The following SLAIN1 variants were observed in gnomAD, a reference collection of about 807,000 sequenced individuals.
SLAIN1 encodes SLAIN family member 1.
In SLAIN1, 17 loss-of-function variants were observed where a neutral mutation model predicts 55.4. The observed-to-expected ratio is 0.31, with a 90% CI of 0.21 to 0.46. SLAIN1 has a LOEUF of 0.46. Among genes scored for constraint, SLAIN1 ranks in the 20% least tolerant of loss-of-function variants. The pLI is 1.00. For synonymous variants in SLAIN1, 348 were observed against 337.4 expected (o/e 1.03, Z -0.35); for missense variants, 682 against 785.1 (o/e 0.87, Z 1.57).
chr13:77,759,884 GA>G (rs902076837), intron 5 of SLAIN1, among the ~76,000 whole-genome samples: 31 of 151,554 alleles, frequency 2.0e-4, no homozygotes, highest in African/African-American at 6.3e-4. Context: ...ATTTTTTAAG[GA>G]AAAAAAATTT....
intron 2 of SLAIN1, among the ~76,000 whole-genome samples, chr13:77,742,134 G>A: frequency 6.6e-6 from 1 of 151,834 alleles, no homozygotes; most frequent in Non-Finnish European, 1.5e-5. Flanking sequence ...GATACAAGGG[G>A]TGGTAATTTT....
intron 2 of SLAIN1, among the ~76,000 whole-genome samples, chr13:77,727,384 AT>A (rs373098490): frequency 2.7e-5 from 4 of 149,378 alleles, no homozygotes; most frequent in Non-Finnish European, 4.4e-5. Flanking sequence ...TAAGTACTGA[AT>A]TTTTTTTGTG....
intron 6 of SLAIN1, among the ~76,000 whole-genome samples, chr13:77,761,555 A>T (rs1177498108): frequency 6.6e-6 from 1 of 152,168 alleles, no homozygotes; most frequent in Non-Finnish European, 1.5e-5. Flanking sequence ...TACAGGTAGG[A>T]TCTCAAATAT....
intron 2 of SLAIN1, among the ~76,000 whole-genome samples, chr13:77,725,826 A>G (rs1394618793): frequency 1.3e-5 from 2 of 152,070 alleles, no homozygotes. Context: ...TTATGGAGTA[A>G]GCATCCCCAG....
intron 4 of SLAIN1, 118 bp downstream of exon 4, chr13:77,746,973 T>C (rs1042260983): frequency 4.4e-6 from 4 of 914,662 alleles, no homozygotes; most frequent in Non-Finnish European, 6.5e-6. Flanking sequence ...GTCTCCTAGG[T>C]TGGAGTGCAG....
chr13:77,716,271 T>G (rs531762835), intron 1 of SLAIN1, among the ~76,000 whole-genome samples: 21 of 152,140 alleles, frequency 1.4e-4, no homozygotes, highest in Admixed American at 4.6e-4. Flanking sequence ...CGTTTATTTT[T>G]ATGCTACACT....
intron 1 of SLAIN1, among the ~76,000 whole-genome samples, chr13:77,716,117 A>G (rs961277653): frequency 1.3e-5 from 2 of 151,254 alleles, no homozygotes; most frequent in Non-Finnish European, 3.0e-5. Flanking sequence ...TGTGGATCAA[A>G]GTTTTGTTTT....
chr13:77,729,788 A>T (rs1358176983), intron 2 of SLAIN1, among the ~76,000 whole-genome samples: 1 of 152,160 alleles, frequency 6.6e-6, no homozygotes, highest in Non-Finnish European at 1.5e-5. Context: ...CCATAAAAGA[A>T]GCATAATGAT....
chr13:77,744,310 G>A lies in SLAIN1; in HGVS notation c.794G>A (p.Ser265Asn). The A allele has an allele frequency of 2.5e-5, 41 of 1,612,818 alleles. No individual in the cohort carries two copies. Among genetic ancestry groups the A allele is most frequent in the Non-Finnish European group, 3.5e-5 (41 of 1,179,224 alleles). ...TACACTTCCAGGGGCTCCCCACTCA[G>A]TCCCCAGTCATCTATCGACAGTGAG... The part of the protein sequence containing the change: ...QGYTSRGSPL[S>N]PQSSIDSELS... Residue 265 changes from serine to asparagine, a missense_variant, in exon 3 of 7, where the codon AGT (serine) becomes AAT (asparagine). By Grantham distance (46) the Ser-to-Asn change is conservative. This residue lies in a region of SLAIN1 where 401 missense variants were observed against 417.3 expected (regional missense o/e 0.96). Coordinates refer to ENST00000418532, the MANE Select transcript of SLAIN1 (RefSeq NM_001242868.2).
chr13:77,728,354 A>AATGTT (rs2091327059), intron 2 of SLAIN1, among the ~76,000 whole-genome samples: 1 of 152,208 alleles, frequency 6.6e-6, no homozygotes, highest in South Asian at 2.1e-4. Context: ...GAAACGCCCA[A>AATGTT]AATGTGGCTC....
At position 77,697,877 on chromosome 13, in the gene SLAIN1, G is replaced by T; in HGVS notation, c.-37G>T. 2.3e-6 allele frequency: 3 copies of T among 1,299,234 alleles called. No individual in the cohort carries two copies. Among genetic ancestry groups the T allele is most frequent in the Non-Finnish European group, 2.9e-6 (3 of 1,022,940 alleles). The allele number at this position is 1,299,234 out of a possible 1,614,324, so 80.5% of individuals were successfully genotyped here. A position where few individuals can be genotyped will look rare whatever the true frequency, so the allele number is the denominator to read the frequency against. ...GCCCGAGGAGCCGGCGCGGCGGCGC[G>T]CACTCCCCGGCGGCCGCGGCGCCCT... On this transcript the variant is annotated 5_prime_UTR_variant, in exon 1 of 7. Transcript: ENST00000418532.
intron 6 of SLAIN1, among the ~76,000 whole-genome samples, chr13:77,762,402 T>A (rs1249130802): frequency 6.6e-6 from 1 of 152,218 alleles, no homozygotes; most frequent in Non-Finnish European, 1.5e-5. Flanking sequence ...GTTTTAAATT[T>A]AAATTTTTTA....
At position 77,698,274 on chromosome 13, in the gene SLAIN1, G is replaced by A. The variant is rs2154409038; in HGVS notation, c.361G>A (p.Ala121Thr). 2.1e-6 allele frequency: 3 copies of A among 1,420,820 alleles called. No homozygotes were observed. The highest frequency in any genetic ancestry group is 5.1e-4 in the Middle Eastern group (2 of 3,958). The allele number at this position is 1,420,820 out of a possible 1,614,324, so 88.0% of individuals were successfully genotyped here. A position where few individuals can be genotyped will look rare whatever the true frequency, so the allele number is the denominator to read the frequency against. ...TGGCAGCGGCGGTGGCTCCAGCCCCGCGTTCCCGGGCACCTTCTGCCTGCC... is the reference window on the plus strand; with the variant it reads ...TGGCAGCGGCGGTGGCTCCAGCCCCACGTTCCCGGGCACCTTCTGCCTGCC... ...GSGSGGGSSP[A>T]FPGTFCLPSP... The change falls in exon 1 of 7, where the codon GCG becomes ACG. Residue 121 changes from alanine to threonine, a missense_variant. By Grantham distance (58) the Ala-to-Thr change is moderately conservative (BLOSUM62 0). Around this residue, in one of 3 missense-constraint regions of SLAIN1, gnomAD observed 401 missense variants for 417.3 expected, o/e 0.96. Coordinates refer to ENST00000418532, the MANE Select transcript of SLAIN1 (RefSeq NM_001242868.2). This position sits in a 1 kb window ranked among gnomAD's most constrained non-coding sequence, Gnocchi z 4.1.
At chr13:77,747,092 A>ATTTATTT (rs952337808) in intron 4 of SLAIN1, among the ~76,000 whole-genome samples, 1 of 151,826 alleles carries the variant, frequency 6.6e-6, no homozygotes, top group East Asian at 1.9e-4. Context: ...TGCCTGGCTA[A>ATTTATTT]TTTATTTTTT....
At chr13:77,722,440 C>T (rs1326288165) in intron 2 of SLAIN1, among the ~76,000 whole-genome samples, 1 of 152,170 alleles carries the variant, frequency 6.6e-6, no homozygotes, top group Middle Eastern at 3.4e-3. Context: ...ATTGCTGCCC[C>T]AATCTCTCAT....
At position 77,753,296 on chromosome 13, in the gene SLAIN1, G is replaced by A. The variant is rs1874371704; in HGVS notation, c.1352G>A (p.Ser451Asn). The change falls in exon 5 of 7, where the codon AGT becomes AAT. Residue 451 changes from serine to asparagine, a missense_variant. Transcript: ENST00000418532. ...AGTTCTCCGGTCACCGTGCGAAATA[G>A]TCAGAGTTTTGACTCAAGCTTGCAT... is the stretch of plus-strand genomic sequence containing the variant. ...NISSPVTVRN[S>N]QSFDSSLHGA... is the part of the protein sequence containing the mutation. 1.2e-6 allele frequency: 2 copies of A among 1,612,830 alleles called. No individual in the cohort carries two copies. Among genetic ancestry groups the A allele is most frequent in the Non-Finnish European group, 1.7e-6 (2 of 1,179,482 alleles).
intron 4 of SLAIN1, 54 bp from the exon 5 acceptor site, chr13:77,753,149 G>T: frequency 1.3e-6 from 2 of 1,484,870 alleles, no homozygotes; most frequent in Non-Finnish European, 1.8e-6. Context: ...TTGAAAGCTA[G>T]TACTTTGGTT....
chr13:77,741,671 A>G (rs1460095449), intron 2 of SLAIN1: 5 of 151,686 alleles, frequency 3.3e-5, no homozygotes, highest in Non-Finnish European at 7.2e-5. Flanking sequence ...TTTTTAAGTA[A>G]ACTTGGTGTT....
intron 1 of SLAIN1, among the ~76,000 whole-genome samples, chr13:77,717,804 C>G (rs2154409647): frequency 6.6e-6 from 1 of 152,282 alleles, no homozygotes; most frequent in South Asian, 2.1e-4. Context: ...TTCTTTGACC[C>G]TATGCATCAA....
Sources: gnomAD v4.1 joint callset for allele counts (sites outside exome capture counted in the v4.1 genomes callset) on GRCh38, gnomAD v4.1.1 for gene constraint, gnomAD v4.1.1 regional missense constraint, Gnocchi (gnomAD v3.1) non-coding constraint, MANE v1.5 for transcripts, NCBI Gene and HGNC (gene_info 2026-07-23, HGNC 2026-07-21) for gene names.